CADM2: variants seen among roughly 807,000 people sequenced by gnomAD.
The protein encoded by CADM2 is immunoglobulin superfamily member 4D.
In CADM2, 12 loss-of-function variants were observed where a neutral mutation model predicts 49.8. The ratio of observed to expected loss-of-function variants is 0.24; its 90% CI spans 0.15 to 0.39. The LOEUF (loss-of-function observed/expected upper bound fraction) is 0.39, where lower values mean the gene tolerates loss of function less well. Ranked by LOEUF, CADM2 falls within the 10% of genes least tolerant of loss-of-function variation. The pLI, the probability that CADM2 is intolerant of heterozygous loss-of-function variation, is 1.00. For missense variants in CADM2, 378 were observed against 492.3 expected (o/e 0.77, Z 2.20); for synonymous variants, 214 against 175.4 (o/e 1.22, Z -1.74).
intron 1 of CADM2, among the ~76,000 whole-genome samples, chr3:85,218,282 T>TA (rs1475763071): frequency 2.0e-5 from 3 of 152,030 alleles, no homozygotes; most frequent in East Asian, 3.9e-4. Flanking sequence ...AATTTAGAAA[T>TA]AAAAAAATCC....
At chr3:85,550,533 C>G (rs2061776275) in intron 1 of CADM2, among the ~76,000 whole-genome samples, 1 of 152,164 alleles carries the variant, frequency 6.6e-6, no homozygotes, top group African/African-American at 2.4e-5. Flanking sequence ...GTCTGGTACA[C>G]TCTCAAGTTT....
chr3:85,842,194 G>T (rs2074668498), intron 3 of CADM2, among the ~76,000 whole-genome samples: 1 of 152,018 alleles, frequency 6.6e-6, no homozygotes, highest in African/African-American at 2.4e-5. Flanking sequence ...GCACTAGAAG[G>T]AAAATCTGTT....
chr3:85,568,447 CTTTCTTTCT>C (rs1375012087), intron 1 of CADM2, among the ~76,000 whole-genome samples: 1 of 35,794 alleles, frequency 2.8e-5, no homozygotes, highest in African/African-American at 8.0e-5. Context: ...TTCTTTCTTT[CTTTCTTTCT>C]TTCTTTCTCT....
chr3:85,172,404 G>T (rs748153291), intron 1 of CADM2, among the ~76,000 whole-genome samples: 1 of 152,158 alleles, frequency 6.6e-6, no homozygotes, highest in African/African-American at 2.4e-5. Context: ...CCCCTTAAGA[G>T]ATGACATGCT....
intron 1 of CADM2, among the ~76,000 whole-genome samples, chr3:85,246,133 C>G (rs2042640761): frequency 6.6e-6 from 1 of 152,072 alleles, no homozygotes; most frequent in Admixed American, 6.6e-5. Flanking sequence ...AGGATGAGTT[C>G]ATGTCCTTTG....
At chr3:85,309,581 C>T (rs972869815) in intron 1 of CADM2, among the ~76,000 whole-genome samples, 1 of 152,116 alleles carries the variant, frequency 6.6e-6, no homozygotes, top group African/African-American at 2.4e-5. Flanking sequence ...ATTATTTTTT[C>T]ATTGCTATTT....
At chr3:85,699,333 T>C (rs1173203302) in intron 1 of CADM2, among the ~76,000 whole-genome samples, 1 of 152,112 alleles carries the variant, frequency 6.6e-6, no homozygotes, top group Non-Finnish European at 1.5e-5. Context: ...CTCCACTAGA[T>C]AGTGCCATAA....
intron 5 of CADM2, among the ~76,000 whole-genome samples, chr3:85,907,937 C>A (rs1717026740): frequency 6.6e-6 from 1 of 151,148 alleles, no homozygotes; most frequent in African/African-American, 2.4e-5. Context: ...AAGATATCTT[C>A]TTTTCCAGTC....
chr3:85,024,556 A>G (rs1179875123), intron 1 of CADM2, among the ~76,000 whole-genome samples: 1 of 152,102 alleles, frequency 6.6e-6, no homozygotes, highest in Non-Finnish European at 1.5e-5. Context: ...AATGGATATT[A>G]TATCTTTATC....
chr3:85,767,033 A>G (rs988993479), intron 2 of CADM2, among the ~76,000 whole-genome samples: 1 of 152,190 alleles, frequency 6.6e-6, no homozygotes, highest in African/African-American at 2.4e-5. Flanking sequence ...ATTATCTACT[A>G]TTGTACCATA....
intron 3 of CADM2, among the ~76,000 whole-genome samples, chr3:85,876,698 A>G (rs1398318369): frequency 6.6e-6 from 1 of 152,160 alleles, no homozygotes; most frequent in Non-Finnish European, 1.5e-5. Context: ...TCACCTTTAT[A>G]AATATAACAC....
At chr3:86,023,171 A>G (rs1021119963) in intron 8 of CADM2, among the ~76,000 whole-genome samples, 8 of 152,202 alleles carry the variant, frequency 5.3e-5, no homozygotes, top group African/African-American at 1.9e-4. Context: ...ATTGAAAACA[A>G]TACTAGCAGA....
intron 8 of CADM2, among the ~76,000 whole-genome samples, chr3:85,983,603 A>T (rs2108677452): frequency 6.6e-6 from 1 of 151,848 alleles, no homozygotes; most frequent in South Asian, 2.1e-4. Context: ...GTTTACCAGC[A>T]GTTGTATCAT....
intron 3 of CADM2, among the ~76,000 whole-genome samples, chr3:85,855,099 C>A (rs1577482543): frequency 6.6e-6 from 1 of 152,198 alleles, no homozygotes; most frequent in East Asian, 1.9e-4. Context: ...TTCCCTCTTC[C>A]TACAACATCC....
At chr3:85,728,542 A>G (rs2067800606) in intron 2 of CADM2, among the ~76,000 whole-genome samples, 1 of 151,472 alleles carries the variant, frequency 6.6e-6, no homozygotes, top group African/African-American at 2.4e-5. Flanking sequence ...TTCAAACAGA[A>G]AAAAAAAAGT....
At chr3:85,693,327 T>A (rs1052101843) in intron 1 of CADM2, among the ~76,000 whole-genome samples, 2 of 151,826 alleles carry the variant, frequency 1.3e-5, no homozygotes, top group Non-Finnish European at 2.9e-5. Flanking sequence ...ACGCCTGTAA[T>A]CTTAGCACTT....
intron 1 of CADM2, among the ~76,000 whole-genome samples, chr3:85,696,858 A>T (rs1281883293): frequency 1.3e-5 from 2 of 151,980 alleles, no homozygotes; most frequent in Non-Finnish European, 2.9e-5. Flanking sequence ...GTGGCCAAAA[A>T]ATCTTGACTA....
chr3:85,568,049 T>C lies in CADM2; in HGVS notation c.62-158473T>C, dbSNP rs1291428384. ...GATCTTTCTTACTAAGTCCACTGAG[T>C]CAAATGCCAGTCTCTTCCCAAAACA... On this transcript the variant is annotated intron_variant, in intron 1 of 9. Transcript: ENST00000383699. Among the ~76,000 whole-genome samples, 4 of 152,136 alleles carry C rather than the reference T, an allele frequency of 2.6e-5. No individual in the cohort carries two copies. The South Asian group carries it at 6.2e-4, about 24-fold the overall frequency.
rs939543642 is a variant in CADM2, at chr3:85,381,035, C to T, written c.62-345487C>T. Among the ~76,000 whole-genome samples, 5 of 151,874 alleles carry T rather than the reference C, an allele frequency of 3.3e-5. No homozygotes were observed. The East Asian group carries it at 7.7e-4, about 23-fold the overall frequency. ...AAGTTAGAAAGTGTAGCTATGAAAT[C>T]GTTAAATTAACAGAGCTAGTATTTA... On this transcript the variant is annotated intron_variant, in intron 1 of 9. Coordinates refer to ENST00000383699, the MANE Select transcript of CADM2 (RefSeq NM_001167675.2).
Sources: gnomAD v4.1 joint callset for allele counts (sites outside exome capture counted in the v4.1 genomes callset) on GRCh38, gnomAD v4.1.1 for gene constraint, MANE v1.5 for transcripts, NCBI Gene and HGNC (gene_info 2026-07-23, HGNC 2026-07-21) for gene names.